Variants in GNAL observed in about 807,000 individuals in gnomAD.
The protein encoded by GNAL is guanine nucleotide-binding protein G(olf) subunit alpha.
Under a neutral mutation model 55.1 loss-of-function variants are expected in GNAL, and 18 were observed. That is an observed-to-expected ratio of 0.33 (90% confidence interval 0.23 to 0.48). The LOEUF is 0.48. GNAL is among the 20% of genes least tolerant of loss of function. GNAL has a pLI of 0.99. For missense variants in GNAL, 412 were observed against 614.1 expected (o/e 0.67, Z 3.48); for synonymous variants, 253 against 237.0 (o/e 1.07, Z -0.62).
chr18:11,700,616 G>A lies in GNAL; in HGVS notation c.376+10677G>A, dbSNP rs1426045363. On this transcript the variant is annotated intron_variant, in intron 1 of 11. Transcript: ENST00000334049. ...CCTTCCTGCTGTTATTTCATTTGCC[G>A]ATCTGGGAAAATGTTATTTAGTGAG... is the stretch of plus-strand genomic sequence containing the variant. 2.0e-5 allele frequency among the ~76,000 whole-genome samples: 3 copies of A among 152,222 alleles called. No homozygotes were observed. In the South Asian group the frequency reaches 6.2e-4, roughly 32 times the overall value.
chr18:11,884,479 C>T lies in GNAL; in HGVS notation c.*3344C>T, dbSNP rs1289577735. 1 of 1,614,052 alleles carries T rather than the reference C, an allele frequency of 6.2e-7. No individual in the cohort carries two copies. The highest frequency in any genetic ancestry group is 8.5e-7 in the Non-Finnish European group (1 of 1,180,018). ...CTTACGCTTTCCGAGCAAGTTCAAA[C>T]CAGAAAGAAAAGGTGAGGCTAGAAG... On this transcript the variant is annotated 3_prime_UTR_variant, in exon 12 of 12. Transcript: ENST00000334049.
intron 5 of GNAL, chr18:11,854,474 T>C (rs768401771): frequency 1.8e-5 from 3 of 167,178 alleles, no homozygotes; most frequent in Non-Finnish European, 4.4e-5. Flanking sequence ...GCATCCTGTT[T>C]TAAAAAACAC....
intron 4 of GNAL, among the ~76,000 whole-genome samples, chr18:11,773,186 C>A (rs1163464047): frequency 1.3e-5 from 2 of 152,240 alleles, no homozygotes; most frequent in East Asian, 3.8e-4. Context: ...TGTCCCCTTA[C>A]CAGGGCTTGC....
At chr18:11,774,525 A>C (rs113405740) in intron 4 of GNAL, among the ~76,000 whole-genome samples, 2,289 of 152,310 alleles carry the variant, frequency 0.015, 54 homozygotes, top group African/African-American at 0.052. Flanking sequence ...CCACTGCTTG[A>C]ACAGCACTTC....
chr18:11,741,727 T>C (rs568694066), intron 1 of GNAL, among the ~76,000 whole-genome samples: 1 of 152,354 alleles, frequency 6.6e-6, no homozygotes, highest in East Asian at 1.9e-4. Context: ...TGTCACCTGC[T>C]GGTGTAAAAG....
chr18:11,853,126 A>C (rs2035920586), intron 5 of GNAL: 1 of 167,096 alleles, frequency 6.0e-6, no homozygotes. Flanking sequence ...ACTGCGTTTT[A>C]AGTTCTAATT....
At chr18:11,733,084 A>G (rs2032375855) in intron 1 of GNAL, among the ~76,000 whole-genome samples, 1 of 148,870 alleles carries the variant, frequency 6.7e-6, no homozygotes, top group Non-Finnish European at 1.5e-5. Flanking sequence ...GGACATGTGA[A>G]GAGAAGACTC....
At position 11,775,185 on chromosome 18, in the gene GNAL, TG is replaced by T. The variant is rs1250293327; in HGVS notation, c.624+21246del. Among the ~76,000 whole-genome samples, 7 of 152,340 alleles carry T rather than the reference TG, an allele frequency of 4.6e-5. No homozygotes were observed. The East Asian group carries it at 1.4e-3, about 29-fold the overall frequency. ...ATTTCCCAGTCTTAGCAAGTGGTTCTGGGGGGCCCTGATGAAAGCACTGTGT... is the reference window on the plus strand; with the variant it reads ...ATTTCCCAGTCTTAGCAAGTGGTTCTGGGGGCCCTGATGAAAGCACTGTGT... On this transcript the variant is annotated intron_variant, in intron 4 of 11. Coordinates refer to ENST00000334049, the MANE Select transcript of GNAL (RefSeq NM_182978.4).
At chr18:11,696,114 T>C (rs2031403095) in intron 1 of GNAL, among the ~76,000 whole-genome samples, 1 of 152,126 alleles carries the variant, frequency 6.6e-6, no homozygotes, top group South Asian at 2.1e-4. Flanking sequence ...GCTGTCTTCG[T>C]TTTTTGCCAC....
intron 5 of GNAL, among the ~76,000 whole-genome samples, chr18:11,850,260 C>T (rs1008401268): frequency 1.3e-5 from 2 of 152,134 alleles, no homozygotes; most frequent in African/African-American, 4.8e-5. Flanking sequence ...CCTCCATGCC[C>T]GGGGTTTGGA....
chr18:11,882,278 A>G lies in GNAL; in HGVS notation c.*1143A>G, dbSNP rs954723783. On this transcript the variant is annotated 3_prime_UTR_variant, in exon 12 of 12. Coordinates refer to ENST00000334049, the MANE Select transcript of GNAL (RefSeq NM_182978.4). ...CTCTCTCTAGACAATATGTTTCCTC[A>G]TTAGTCTGCTAATGAAACACTTCTT... 1 of 152,196 alleles carries G rather than the reference A, an allele frequency of 6.6e-6. No individual in the cohort carries two copies. Among genetic ancestry groups the G allele is most frequent in the African/African-American group, 2.4e-5 (1 of 41,456 alleles). The allele number at this position is 152,196 out of a possible 1,614,324, so 9.4% of individuals were successfully genotyped here.
At chr18:11,784,457 C>CT (rs2034003829) in intron 4 of GNAL, among the ~76,000 whole-genome samples, 1 of 152,228 alleles carries the variant, frequency 6.6e-6, no homozygotes, top group African/African-American at 2.4e-5. Context: ...CACCCCTGCA[C>CT]TTACCAAAGC....
rs141162204 is a variant in GNAL at position 11,762,219 on chromosome 18, G to A, written c.624+8274G>A. On this transcript the variant is annotated intron_variant, in intron 4 of 11. Coordinates refer to ENST00000334049, the MANE Select transcript of GNAL (RefSeq NM_182978.4). ...TGGAACGTGGCTTCCTGAGCTGCCTGTCTTTCCCGTGAAAGGTTGACATCA... is the reference window on the plus strand; with the variant it reads ...TGGAACGTGGCTTCCTGAGCTGCCTATCTTTCCCGTGAAAGGTTGACATCA... Among the ~76,000 whole-genome samples, 528 of 152,320 alleles carry A rather than the reference G, an allele frequency of 3.5e-3. 7 individuals carry two copies. The highest frequency in any genetic ancestry group is 0.012 in the African/African-American group (506 of 41,562).
chr18:11,823,097 T>C (rs1231711296), intron 4 of GNAL, among the ~76,000 whole-genome samples: 1 of 152,126 alleles, frequency 6.6e-6, no homozygotes, highest in African/African-American at 2.4e-5. Flanking sequence ...GCGATGTCAC[T>C]CTCTTCATGG....
chr18:11,706,313 A>G (rs1200300737), intron 1 of GNAL, among the ~76,000 whole-genome samples: 1 of 152,048 alleles, frequency 6.6e-6, no homozygotes, highest in East Asian at 1.9e-4. Context: ...ATGTGCAATC[A>G]CATCATGTCT....
At chr18:11,731,920 A>G (rs1305964396) in intron 1 of GNAL, among the ~76,000 whole-genome samples, 1 of 152,226 alleles carries the variant, frequency 6.6e-6, no homozygotes, top group East Asian at 1.9e-4. Flanking sequence ...TATTCTGGAC[A>G]TTTGACATAA....
chr18:11,771,688 C>T (rs1177614827), intron 4 of GNAL, among the ~76,000 whole-genome samples: 1 of 152,044 alleles, frequency 6.6e-6, no homozygotes, highest in African/African-American at 2.4e-5. Flanking sequence ...TGCAGTATGG[C>T]CAGCACAGCC....
chr18:11,848,042 T>C (rs974643328), intron 5 of GNAL, among the ~76,000 whole-genome samples: 3 of 151,994 alleles, frequency 2.0e-5, no homozygotes, highest in African/African-American at 7.2e-5. Context: ...AATGAGCAGA[T>C]TTGGGGGAAA....
intron 10 of GNAL, among the ~76,000 whole-genome samples, chr18:11,873,566 A>G (rs1404778642): frequency 1.3e-5 from 2 of 152,224 alleles, no homozygotes; most frequent in Non-Finnish European, 2.9e-5. Flanking sequence ...CACCCGCCAG[A>G]GGGTCACTCA....
Sources: gnomAD v4.1 joint callset for allele counts (sites outside exome capture counted in the v4.1 genomes callset) on GRCh38, gnomAD v4.1.1 for gene constraint, MANE v1.5 for transcripts, NCBI Gene and HGNC (gene_info 2026-07-23, HGNC 2026-07-21) for gene names.